The following HIBADH variants were observed in gnomAD, a reference collection of about 807,000 sequenced individuals.
HIBADH encodes the protein 3-hydroxyisobutyrate dehydrogenase, mitochondrial.
HIBADH carries 25 observed loss-of-function variants against 36.1 expected under a neutral mutation model. That is an observed-to-expected ratio of 0.69 (90% CI 0.50 to 0.97). HIBADH has a LOEUF of 0.97. Ranked by LOEUF, HIBADH falls within the 50% of genes least tolerant of loss-of-function variation. The pLI is 0.00. For missense variants in HIBADH, 421 were observed against 418.0 expected, an observed-to-expected ratio of 1.01 and a Z score of -0.06; for synonymous variants, 160 against 149.5, an observed-to-expected ratio of 1.07 and a Z score of -0.51.
intron 7 of HIBADH, among the ~76,000 whole-genome samples, chr7:27,528,848 C>T (rs540370290): frequency 1.8e-4 from 28 of 152,272 alleles, no homozygotes; most frequent in South Asian, 1.0e-3. Flanking sequence ...CTAGGACTTT[C>T]GCAGCTAAAG....
At chr7:27,562,742 G>A (rs1013196877) in intron 4 of HIBADH, among the ~76,000 whole-genome samples, 1 of 152,158 alleles carries the variant, frequency 6.6e-6, no homozygotes, top group Non-Finnish European at 1.5e-5. Flanking sequence ...ATGGGTATGA[G>A]CCACCACACT....
At chr7:27,567,396 G>A (rs1008431228) in intron 4 of HIBADH, among the ~76,000 whole-genome samples, 1 of 152,058 alleles carries the variant, frequency 6.6e-6, no homozygotes, top group Non-Finnish European at 1.5e-5. Context: ...TGGATTGCTT[G>A]TAAACACATT....
At chr7:27,537,150 A>G (rs1784081566) in intron 6 of HIBADH, among the ~76,000 whole-genome samples, 1 of 152,188 alleles carries the variant, frequency 6.6e-6, no homozygotes, top group South Asian at 2.1e-4. Flanking sequence ...GTCCCTATAT[A>G]CTACCACTTT....
At chr7:27,600,237 A>T (rs561155790) in intron 4 of HIBADH, among the ~76,000 whole-genome samples, 1 of 152,188 alleles carries the variant, frequency 6.6e-6, no homozygotes, top group East Asian at 1.9e-4. Context: ...ATCTTCAAAA[A>T]ACACATCACT....
chr7:27,615,487 C>T (rs557990169), intron 4 of HIBADH, among the ~76,000 whole-genome samples: 1 of 152,292 alleles, frequency 6.6e-6, no homozygotes, highest in Admixed American at 6.5e-5. Context: ...AGACATACTA[C>T]CGCCATGCAC....
intron 4 of HIBADH, among the ~76,000 whole-genome samples, chr7:27,568,307 CAT>C (rs1784577985): frequency 6.6e-6 from 1 of 152,150 alleles, no homozygotes; most frequent in Non-Finnish European, 1.5e-5. Flanking sequence ...ATTTTTGTCA[CAT>C]ATAAAATTCT....
chr7:27,590,958 C>A (rs960888964), intron 4 of HIBADH, among the ~76,000 whole-genome samples: 3 of 152,106 alleles, frequency 2.0e-5, no homozygotes, highest in African/African-American at 7.2e-5. Context: ...AGGCAGGAGA[C>A]AGGATCTCAG....
rs1237270585 is a variant in HIBADH at position 27,557,122 on chromosome 7, A to G, written c.485-14022T>C. ...ACCACTGCACTCCAGCCTGAACAAC[A>G]GAGTGAGACCCTGTCTAAAAAGGAA... On this transcript the variant is annotated intron_variant, in intron 4 of 7. Transcript: ENST00000265395. 1.0e-4 allele frequency among the ~76,000 whole-genome samples: 15 copies of G among 149,806 alleles called. No individual in the cohort carries two copies. The East Asian group carries it at 2.6e-3, about 26-fold the overall frequency.
At position 27,653,784 on chromosome 7, in the gene HIBADH, G is replaced by GA. The variant is rs1384168201; in HGVS notation, c.92-4152dup. On this transcript the variant is annotated intron_variant, in intron 1 of 7. Transcript: ENST00000265395. ...GACCAAGGTTTCAGTGATAGGATGA[G>GA]AAAAAAGAGATATACCTGGTAGCCA... Among the ~76,000 whole-genome samples, 10 of 151,988 alleles carry GA rather than the reference G, an allele frequency of 6.6e-5. No homozygotes were observed. The East Asian group carries it at 9.7e-4, about 15-fold the overall frequency.
rs1198429796 is a variant in HIBADH, at chr7:27,538,408, T to G, written c.628A>C (p.Ile210Leu). The G allele has an allele frequency of 6.2e-7, 1 of 1,612,676 alleles. No individual in the cohort carries two copies. The highest frequency in any genetic ancestry group is 1.1e-5 in the South Asian group (1 of 91,016). Residue 210 changes from isoleucine to leucine, a missense_variant, in exon 6 of 8, where the codon ATC (isoleucine) becomes CTC (leucine). Transcript: ENST00000265395. ...ATAGCTAACAGCATGTTGTTGCAGATCTTTGCCGCCTGAAAATAAATTGAG... is the reference window on the plus strand; with the variant it reads ...ATAGCTAACAGCATGTTGTTGCAGAGCTTTGCCGCCTGAAAATAAATTGAG... ...GAVGTGQAAK[I>L]CNNMLLAISM...
At chr7:27,556,860 G>T (rs1017767923) in intron 4 of HIBADH, among the ~76,000 whole-genome samples, 2 of 152,066 alleles carry the variant, frequency 1.3e-5, no homozygotes, top group Admixed American at 6.6e-5. Flanking sequence ...TTTTGGGCAG[G>T]TGCCTATAAT....
At chr7:27,592,006 A>G (rs1326773071) in intron 4 of HIBADH, among the ~76,000 whole-genome samples, 1 of 152,212 alleles carries the variant, frequency 6.6e-6, no homozygotes, top group East Asian at 1.9e-4. Flanking sequence ...TCAAACTTCC[A>G]TATTTAAGCA....
chr7:27,581,300 T>C (rs544231195), intron 4 of HIBADH, among the ~76,000 whole-genome samples: 166 of 152,146 alleles, frequency 1.1e-3, no homozygotes, highest in African/African-American at 3.0e-3. Flanking sequence ...TCAAATTCAA[T>C]AGAGGAAGGA....
chr7:27,639,246 T>C (rs981275324), intron 2 of HIBADH, among the ~76,000 whole-genome samples: 3 of 152,094 alleles, frequency 2.0e-5, no homozygotes, highest in Non-Finnish European at 4.4e-5. Context: ...CACCATGAAA[T>C]ACTATGCAGC....
At chr7:27,636,007 G>A (rs1368738593) in intron 2 of HIBADH, among the ~76,000 whole-genome samples, 1 of 152,146 alleles carries the variant, frequency 6.6e-6, no homozygotes, top group Non-Finnish European at 1.5e-5. Context: ...GTAATATAAA[G>A]AGCAGAGGAC....
At chr7:27,567,649 G>A (rs573008906) in intron 4 of HIBADH, among the ~76,000 whole-genome samples, 2 of 152,124 alleles carry the variant, frequency 1.3e-5, no homozygotes, top group African/African-American at 4.8e-5. Flanking sequence ...GTGTGTGTGT[G>A]CGTGCGTGCA....
rs1273034716 is a variant in HIBADH, at chr7:27,662,845, A to C, written c.-57T>G. 1 of 1,321,664 alleles carries C rather than the reference A, an allele frequency of 7.6e-7. No homozygotes were observed. The highest frequency in any genetic ancestry group is 1.5e-5 in the African/African-American group (1 of 64,872). The allele number at this position is 1,321,664 out of a possible 1,614,324, so 81.9% of individuals were successfully genotyped here. A position where few individuals can be genotyped will look rare whatever the true frequency, so the allele number is the denominator to read the frequency against. On this transcript the variant is annotated 5_prime_UTR_variant, in exon 1 of 8. Coordinates refer to ENST00000265395, the MANE Select transcript of HIBADH (RefSeq NM_152740.4). Reference sequence around the variant, plus strand: ...CCGCCGCCTCCCGGAGGGCCCACAGACTGCGAGCGTGTGCAGCGGGACTGG... The same window carrying C: ...CCGCCGCCTCCCGGAGGGCCCACAGCCTGCGAGCGTGTGCAGCGGGACTGG...
At chr7:27,571,797 T>A (rs1784632469) in intron 4 of HIBADH, among the ~76,000 whole-genome samples, 2 of 152,216 alleles carry the variant, frequency 1.3e-5, no homozygotes, top group South Asian at 4.1e-4. Context: ...CCTACCAAAT[T>A]AAGGTCTTAA....
chr7:27,658,404 G>C (rs939358120), intron 1 of HIBADH, among the ~76,000 whole-genome samples: 5 of 152,160 alleles, frequency 3.3e-5, no homozygotes, highest in African/African-American at 4.8e-5. Context: ...AAACTAGCCA[G>C]AAAACTTGGC....
Sources: allele counts gnomAD v4.1 joint callset (sites outside exome capture counted in the v4.1 genomes callset), GRCh38; gene constraint gnomAD v4.1.1; transcripts MANE v1.5; gene names NCBI Gene and HGNC (gene_info 2026-07-23, HGNC 2026-07-21).